SH2D3C: variants seen among roughly 807,000 people sequenced by gnomAD.
SH2D3C encodes SH2 domain containing 3C, also known as SH2 domain-containing protein 3C.
SH2D3C carries 25 observed loss-of-function variants against 75.2 expected under a neutral mutation model. The ratio of observed to expected loss-of-function variants is 0.33; its 90% CI spans 0.24 to 0.46. The LOEUF is 0.46. SH2D3C is among the 20% of genes least tolerant of loss of function. The pLI, the probability that SH2D3C is intolerant of heterozygous loss-of-function variation, is 1.00. For synonymous variants in SH2D3C, 450 were observed against 473.7 expected (o/e 0.95, Z 0.65); for missense variants, 933 against 1,165.3 (o/e 0.80, Z 2.90).
At chr9:127,768,863 C>A (rs12555208) in intron 2 of SH2D3C, among the ~76,000 whole-genome samples, 2 of 150,320 alleles carry the variant, frequency 1.3e-5, no homozygotes, top group Non-Finnish European at 3.0e-5. Flanking sequence ...CCTTTATACA[C>A]GCTGTTCCCT....
intron 2 of SH2D3C, chr9:127,771,256 C>G (rs892475852): frequency 1.9e-6 from 3 of 1,541,926 alleles, no homozygotes; most frequent in African/African-American, 1.4e-5. Context: ...CCGCCGGCAA[C>G]CCGGGGACCT....
At position 127,749,290 on chromosome 9, in the gene SH2D3C, G is replaced by T. The variant is rs1246925561; in HGVS notation, c.1060C>A (p.His354Asn). 1.2e-6 allele frequency: 2 copies of T among 1,609,150 alleles called. No homozygotes were observed. Among genetic ancestry groups the T allele is most frequent in the South Asian group, 1.1e-5 (1 of 90,954 alleles). ...PVSPSGPKGSHMKRRSVTMTD... is the reference protein window; with the variant it reads ...PVSPSGPKGSNMKRRSVTMTD... ...ATGGTGACGCTGCGCCGCTTCATGT[G>T]GCTGCCCTTGGGGCCTGAGGGGCTG... The change falls in exon 5 of 12, where the codon CAC becomes AAC. Residue 354 changes from histidine (H) to asparagine (N), a missense_variant. Transcript: ENST00000314830. The surrounding 1 kb of genome is among the most constrained non-coding windows in gnomAD (Gnocchi z 5.9).
chr9:127,740,354 G>C lies in SH2D3C; in HGVS notation c.2104C>G (p.Gln702Glu), dbSNP rs1429320212. The change falls in exon 10 of 12, where the codon CAG becomes GAG. Residue 702 changes from glutamine (Q) to glutamate (E), a missense_variant. Gln to Glu is a conservative substitution (Grantham distance 29, BLOSUM62 2). Transcript: ENST00000314830. ...LDMAQISRLE[Q>E]TWVTLRQRHT... Reference sequence around the variant, plus strand: ...CGCTGCCGCAGGGTCACCCATGTCTGCTCCAGCCGAGAAATCTGGGGAGGC... The same window carrying C: ...CGCTGCCGCAGGGTCACCCATGTCTCCTCCAGCCGAGAAATCTGGGGAGGC... 1 of 1,614,062 alleles carries C rather than the reference G, an allele frequency of 6.2e-7. No individual in the cohort carries two copies.
chr9:127,754,741 G>A lies in SH2D3C; in HGVS notation c.556-3441C>T. On this transcript the variant is annotated intron_variant, in intron 3 of 11. Transcript: ENST00000314830. The surrounding 1 kb of genome is among the most constrained non-coding windows in gnomAD (Gnocchi z 4.4). Reference sequence around the variant, plus strand: ...GCCCAGGTCAGCCGCAAGGGCCAGCGTACCAGGCGGAGGACCGGCAGGACG... The same window carrying A: ...GCCCAGGTCAGCCGCAAGGGCCAGCATACCAGGCGGAGGACCGGCAGGACG... 2.2e-6 allele frequency: 1 copy of A among 455,610 alleles called. No homozygotes were observed. The highest frequency in any genetic ancestry group is 1.6e-5 in the South Asian group (1 of 62,654). 28.2% of individuals were successfully genotyped at this position (455,610 alleles called of 1,614,324 possible).
chr9:127,761,740 G>A, intron 2 of SH2D3C, 90 bp from the exon 3 acceptor site: 1 of 1,080,272 alleles, frequency 9.3e-7, no homozygotes, highest in Non-Finnish European at 1.4e-6. Context: ...GCCAGCACCT[G>A]GCCCTTAGGA....
At position 127,738,663 on chromosome 9, in the gene SH2D3C, G is replaced by T; in HGVS notation, c.*83C>A. 1 of 1,394,298 alleles carries T rather than the reference G, an allele frequency of 7.2e-7. No homozygotes were observed. 86.4% of individuals were successfully genotyped at this position (1,394,298 alleles called of 1,614,324 possible). A position where few individuals can be genotyped will look rare whatever the true frequency, so the allele number is the denominator to read the frequency against. On this transcript the variant is annotated 3_prime_UTR_variant, in exon 12 of 12. Coordinates refer to ENST00000314830, the MANE Select transcript of SH2D3C (RefSeq NM_170600.3). The surrounding 1 kb of genome is among the most constrained non-coding windows in gnomAD (Gnocchi z 5.0). ...AGAACATTCTCGGGTTGATCACAGT[G>T]TCCTTGGGGTGCTCTGGGGAAAGTT...
At chr9:127,743,093 C>G in intron 7 of SH2D3C, 129 bp from the exon 8 acceptor site, 2 of 598,784 alleles carry the variant, frequency 3.3e-6, no homozygotes, top group South Asian at 4.1e-5. Context: ...CCAGCTCCAC[C>G]GCTAACCCTC....
chr9:127,757,103 ATT>A (rs1169901282), intron 3 of SH2D3C, among the ~76,000 whole-genome samples: 11,634 of 122,486 alleles, frequency 0.095, 852 homozygotes, highest in African/African-American at 0.22. Context: ...TGCTTGGCTA[ATT>A]TTTTTTTTTT....
In SH2D3C at chr9:127,777,406, C is replaced by T. The variant is rs566736814; in HGVS notation, c.37+1185G>A. On this transcript the variant is annotated intron_variant, in intron 1 of 11. Transcript: ENST00000314830. ...ATGTGAGACAGCATCCCATGACACC[C>T]CCATCCCCCTGCCGCCCCAGTAACT... is the stretch of plus-strand genomic sequence containing the variant. Among the ~76,000 whole-genome samples the T allele has an allele frequency of 1.6e-4, 24 of 152,086 alleles. No individual in the cohort carries two copies. The East Asian group carries it at 3.7e-3, about 23-fold the overall frequency.
rs1200456777 is a variant in SH2D3C, at chr9:127,749,205, G to A, written c.1139+6C>T. The A allele has an allele frequency of 2.6e-6, 4 of 1,546,500 alleles. No homozygotes were observed. The highest frequency in any genetic ancestry group is 3.6e-4 in the Middle Eastern group (2 of 5,542). Reference sequence around the variant, plus strand: ...ACCCCATTTGACAAATGGGGCCCTGGCTGACCTGGTGGGGCAGCCATCGCT... The same window carrying A: ...ACCCCATTTGACAAATGGGGCCCTGACTGACCTGGTGGGGCAGCCATCGCT... On this transcript the variant is annotated splice_donor_region_variant and intron_variant, in intron 5 of 11. Coordinates refer to ENST00000314830, the MANE Select transcript of SH2D3C (RefSeq NM_170600.3). The surrounding 1 kb of genome is among the most constrained non-coding windows in gnomAD (Gnocchi z 5.9).
Position 127,742,867 on chromosome 9 carries a change from C to T in SH2D3C, c.1898G>A (p.Arg633His). Reference sequence around the variant, plus strand: ...GTCTCACCTTTCCAGCAGGTCTAGGCGTAGCTGCCGGCCATGGGGGAGGGT... The same window carrying T: ...GTCTCACCTTTCCAGCAGGTCTAGGTGTAGCTGCCGGCCATGGGGGAGGGT... The part of the protein sequence containing the change: ...LLTLPHGRQL[R>H]LDLLERFHTM... The change falls in exon 8 of 12, where the codon CGC (arginine) becomes CAC (histidine). Residue 633 changes from arginine to histidine, a missense_variant. Physicochemically the swap from Arg to His is conservative, Grantham distance 29. Transcript: ENST00000314830. The T allele has an allele frequency of 6.2e-7, 1 of 1,613,376 alleles. No homozygotes were observed. The highest frequency in any genetic ancestry group is 8.5e-7 in the Non-Finnish European group (1 of 1,179,690).
chr9:127,768,159 C>A (rs969016895), intron 2 of SH2D3C, among the ~76,000 whole-genome samples: 23 of 152,166 alleles, frequency 1.5e-4, no homozygotes, highest in African/African-American at 5.3e-4. Flanking sequence ...CAGACACGGC[C>A]CACCACGACC....
At chr9:127,757,635 TGATG>T (rs1564419838) in intron 3 of SH2D3C, among the ~76,000 whole-genome samples, 11,805 of 108,026 alleles carry the variant, frequency 0.11, 658 homozygotes, top group East Asian at 0.23. Context: ...ATGATGATGA[TGATG>T]ATGATGATTA....
Position 127,749,742 on chromosome 9 carries a change from C to A in SH2D3C, c.685-77G>T. Reference sequence around the variant, plus strand: ...ACCCAGGATCTGGGGGACAGAGCAACCCAGGATTAGGGGGCACAGCAAGAC... The same window carrying A: ...ACCCAGGATCTGGGGGACAGAGCAAACCAGGATTAGGGGGCACAGCAAGAC... On this transcript the variant is annotated intron_variant, in intron 4 of 11. Coordinates refer to ENST00000314830, the MANE Select transcript of SH2D3C (RefSeq NM_170600.3). The surrounding 1 kb of genome is among the most constrained non-coding windows in gnomAD (Gnocchi z 5.9). The A allele has an allele frequency of 1.1e-6, 1 of 921,776 alleles. No individual in the cohort carries two copies. Among genetic ancestry groups the A allele is most frequent in the Non-Finnish European group, 1.7e-6 (1 of 595,798 alleles). 57.1% of individuals were successfully genotyped at this position (921,776 alleles called of 1,614,324 possible).
Position 127,774,046 on chromosome 9 carries a change from C to A in SH2D3C, c.459G>T (p.Glu153Asp), listed in dbSNP as rs144450318. ...AVEVDPIRKP[E>D]VPTGDVEEER... ...CCTCTTCTACGTCTCCTGTGGGGAC[C>A]TCAGGCTTTCTGATGGGGTCTACCT... Residue 153 changes from glutamate to aspartate, a missense_variant, in exon 2 of 12, where the codon GAG (glutamate) becomes GAT (aspartate). By Grantham distance (45) the Glu-to-Asp change is conservative. Transcript: ENST00000314830. This position sits in a 1 kb window ranked among gnomAD's most constrained non-coding sequence, Gnocchi z 4.3. The A allele has an allele frequency of 5.9e-5, 95 of 1,614,192 alleles. No individual in the cohort carries two copies. In the African/African-American group the frequency reaches 1.1e-3, roughly 19 times the overall value.
At chr9:127,760,043 G>A (rs1456306777) in intron 3 of SH2D3C, among the ~76,000 whole-genome samples, 2 of 151,748 alleles carry the variant, frequency 1.3e-5, no homozygotes, top group Non-Finnish European at 2.9e-5. Flanking sequence ...GTAGTCCCAG[G>A]GACTTAGGAG....
intron 2 of SH2D3C, chr9:127,762,080 A>G (rs996965048): frequency 4.6e-6 from 2 of 439,260 alleles, no homozygotes; most frequent in African/African-American, 4.4e-5. Flanking sequence ...CTGACTCTAA[A>G]CACTGGAGGG....
chr9:127,767,788 G>A (rs1845662872), intron 2 of SH2D3C, among the ~76,000 whole-genome samples: 1 of 152,240 alleles, frequency 6.6e-6, no homozygotes, highest in African/African-American at 2.4e-5. Flanking sequence ...AGCAGGTGCT[G>A]TCACTGTTCT....
chr9:127,757,985 G>T (rs1469675968), intron 3 of SH2D3C, among the ~76,000 whole-genome samples: 1 of 151,830 alleles, frequency 6.6e-6, no homozygotes, highest in African/African-American at 2.4e-5. Context: ...TTAATAGAGG[G>T]TTTTCACTAT....
Sources: allele counts gnomAD v4.1 joint callset (sites outside exome capture counted in the v4.1 genomes callset), GRCh38; gene constraint gnomAD v4.1.1; non-coding constraint Gnocchi (gnomAD v3.1); transcripts MANE v1.5; gene names NCBI Gene and HGNC (gene_info 2026-07-23, HGNC 2026-07-21).